NHS: variants seen among roughly 807,000 people sequenced by gnomAD.
The protein encoded by NHS is NHS actin remodeling regulator.
Under a neutral mutation model 72.5 loss-of-function variants are expected in NHS, and 5 were observed. The ratio of observed to expected loss-of-function variants is 0.07; its 90% confidence interval spans 0.04 to 0.14. NHS has a LOEUF of 0.14. Among genes scored for constraint, NHS ranks in the 10% least tolerant of loss-of-function variants. The pLI, the probability that NHS is intolerant of heterozygous loss-of-function variation, is 1.00. For missense variants in NHS, 1,072 were observed against 1,355.7 expected, an observed-to-expected ratio of 0.79 and a Z score of 3.29; for synonymous variants, 464 against 547.7, an observed-to-expected ratio of 0.85 and a Z score of 2.13.
chrX:17,578,275 T>C (rs1167597489), intron 1 of NHS, among the ~76,000 whole-genome samples: 1 of 112,217 alleles, frequency 8.9e-6, no homozygotes, highest in Non-Finnish European at 1.9e-5. Flanking sequence ...TTGTATATTC[T>C]CAGTAACTAT....
At chrX:17,389,694 C>T (rs7887292) in intron 1 of NHS, among the ~76,000 whole-genome samples, 2 of 109,927 alleles carry the variant, frequency 1.8e-5, no homozygotes, top group African/African-American at 3.3e-5. Flanking sequence ...CTCTGCCCAC[C>T]GGGTTCAAGC....
intron 1 of NHS, among the ~76,000 whole-genome samples, chrX:17,658,790 C>T (rs1479496148): frequency 1.8e-5 from 2 of 111,774 alleles, no homozygotes; most frequent in South Asian, 3.8e-4. Flanking sequence ...ATTGGCTTGG[C>T]TCGACCTGTA....
intron 1 of NHS, among the ~76,000 whole-genome samples, chrX:17,598,201 T>C (rs12014624): frequency 0.089 from 9,894 of 110,809 alleles, 1,049 homozygotes; most frequent in African/African-American, 0.3. Context: ...GCGGACTCTT[T>C]TGTGGCAGTT....
chrX:17,508,356 A>C, intron 1 of NHS, among the ~76,000 whole-genome samples: 1 of 112,195 alleles, frequency 8.9e-6, no homozygotes, highest in African/African-American at 3.2e-5. Flanking sequence ...TTCAGTTAGC[A>C]TAATGTTTTC....
rs2064708354 is a variant in NHS at position 17,434,106 on chromosome X, G to A, written c.565+57784G>A. ...CAAGGATGAGAGCAAGTGAGTGTAG[G>A]GGAGTGCAAAGGCAGTTTTTATGGG... On this transcript the variant is annotated intron_variant, in intron 1 of 8. Coordinates refer to ENST00000676302, the MANE Select transcript of NHS (RefSeq NM_001291867.2). Among the ~76,000 whole-genome samples the A allele has an allele frequency of 4.5e-5, 5 of 111,885 alleles. No homozygotes were observed. The South Asian group carries it at 1.9e-3, about 42-fold the overall frequency.
chrX:17,721,341 A>T, intron 4 of NHS, 100 bp from the exon 5 acceptor site: 1 of 827,960 alleles, frequency 1.2e-6, no homozygotes, highest in Non-Finnish European at 1.8e-6. Flanking sequence ...CTAAGGGCCT[A>T]TTTCTGACCT....
chrX:17,562,847 A>T (rs1282835141), intron 1 of NHS, among the ~76,000 whole-genome samples: 1 of 97,297 alleles, frequency 1.0e-5, no homozygotes, highest in African/African-American at 4.0e-5. Flanking sequence ...TCCAGATTGT[A>T]ACATCTTTCA....
rs754652970 is a variant in NHS at position 17,487,443 on chromosome X, C to A, written c.565+111121C>A. On this transcript the variant is annotated intron_variant, in intron 1 of 8. Coordinates refer to ENST00000676302, the MANE Select transcript of NHS (RefSeq NM_001291867.2). ...GTATTTTCTGGCTGGAGGATTTGTG[C>A]CCTTGTTCCTTGGCATGGGATTGAT... 3.6e-5 allele frequency among the ~76,000 whole-genome samples: 4 copies of A among 111,921 alleles called. No individual in the cohort carries two copies. The South Asian group carries it at 1.5e-3, about 42-fold the overall frequency.
chrX:17,629,142 C>T (rs2065813035), intron 1 of NHS, among the ~76,000 whole-genome samples: 1 of 111,689 alleles, frequency 9.0e-6, no homozygotes, highest in Non-Finnish European at 1.9e-5. Context: ...GAAAACAAAA[C>T]AAACAATGAA....
intron 1 of NHS, among the ~76,000 whole-genome samples, chrX:17,437,057 A>C (rs762624376): frequency 8.9e-6 from 1 of 111,942 alleles, no homozygotes; most frequent in Non-Finnish European, 1.9e-5. Flanking sequence ...ATGTGGAAGC[A>C]CTGTGTTGAG....
At chrX:17,526,707 G>A (rs970389045) in intron 1 of NHS, among the ~76,000 whole-genome samples, 17 of 112,009 alleles carry the variant, frequency 1.5e-4, no homozygotes, top group Non-Finnish European at 2.1e-4. Flanking sequence ...GCATTTCTGG[G>A]TTTGGGAGAA....
intron 1 of NHS, among the ~76,000 whole-genome samples, chrX:17,422,415 A>T (rs2064628704): frequency 1.8e-5 from 2 of 110,761 alleles, no homozygotes; most frequent in African/African-American, 6.6e-5. Flanking sequence ...CAATCCATCA[A>T]TCTATAGGTT....
Position 17,375,629 on chromosome X carries a change from G to A in NHS, c.-129G>A, listed in dbSNP as rs2064341171. ...GGCAAGGTGAGCAGAGAAGCCCCCT[G>A]CGTATCCGGACTGCCAGATCGCGCT... On this transcript the variant is annotated 5_prime_UTR_variant, in exon 1 of 9. Coordinates refer to ENST00000676302, the MANE Select transcript of NHS (RefSeq NM_001291867.2). 6 of 640,662 alleles carry A rather than the reference G, an allele frequency of 9.4e-6. No individual in the cohort carries two copies. The South Asian group carries it at 1.6e-4, about 17-fold the overall frequency. 52.8% of individuals were successfully genotyped at this position (640,662 alleles called of 1,213,427 possible).
intron 1 of NHS, among the ~76,000 whole-genome samples, chrX:17,669,321 A>G (rs1180575622): frequency 8.9e-6 from 1 of 112,067 alleles, no homozygotes; most frequent in Non-Finnish European, 1.9e-5. Flanking sequence ...GTTGACATCA[A>G]TATTATCCTC....
intron 1 of NHS, among the ~76,000 whole-genome samples, chrX:17,619,075 T>A (rs907643116): frequency 8.9e-6 from 1 of 112,499 alleles, no homozygotes; most frequent in African/African-American, 3.2e-5. Flanking sequence ...TTCATTGTAG[T>A]TAGTTGGATA....
At chrX:17,574,665 G>A (rs932720735) in intron 1 of NHS, among the ~76,000 whole-genome samples, 2 of 111,812 alleles carry the variant, frequency 1.8e-5, no homozygotes, top group East Asian at 2.8e-4. Flanking sequence ...TAGGTGAGGC[G>A]ACACCCCATC....
intron 1 of NHS, among the ~76,000 whole-genome samples, chrX:17,423,123 T>C (rs967908049): frequency 8.9e-6 from 1 of 112,137 alleles, no homozygotes; most frequent in African/African-American, 3.2e-5. Context: ...GAGGTTTTGA[T>C]CAGGGTTCCA....
At chrX:17,614,124 GTC>G (rs111255066) in intron 1 of NHS, among the ~76,000 whole-genome samples, 1,183 of 112,199 alleles carry the variant, frequency 0.011, 16 homozygotes, top group African/African-American at 0.036. Flanking sequence ...CCAGAAGAAA[GTC>G]TGCACTGTTG....
intron 1 of NHS, among the ~76,000 whole-genome samples, chrX:17,402,789 CA>C (rs2064508582): frequency 9.0e-6 from 1 of 111,684 alleles, no homozygotes; most frequent in Admixed American, 9.5e-5. Context: ...GAGTGAATTT[CA>C]TCTCAATAAA....
Sources: gnomAD v4.1 joint callset for allele counts (sites outside exome capture counted in the v4.1 genomes callset) on GRCh38, gnomAD v4.1.1 for gene constraint, MANE v1.5 for transcripts, NCBI Gene and HGNC (gene_info 2026-07-23, HGNC 2026-07-21) for gene names.